CIDEC: variants seen among roughly 807,000 people sequenced by gnomAD.
CIDEC encodes cell death inducing DFFA like effector c.
In CIDEC, 11 loss-of-function variants were observed where a neutral mutation model predicts 21.9. The ratio of observed to expected loss-of-function variants is 0.50; its 90% CI spans 0.32 to 0.83. The LOEUF (loss-of-function observed/expected upper bound fraction) is 0.83. Ranked by LOEUF, CIDEC falls within the 40% of genes least tolerant of loss-of-function variation. The probability of loss-of-function intolerance (pLI) is 0.04; values close to 1 mark genes in which losing one functional copy is unlikely to be tolerated. For missense variants in CIDEC, 302 were observed against 302.3 expected, an observed-to-expected ratio of 1.00 and a Z score of 0.01; for synonymous variants, 127 against 124.9, an observed-to-expected ratio of 1.02 and a Z score of -0.11.
intron 4 of CIDEC, among the ~76,000 whole-genome samples, chr3:9,874,899 T>G (rs183366561): frequency 2.6e-5 from 4 of 151,916 alleles, no homozygotes; most frequent in Non-Finnish European, 4.4e-5. Context: ...TCCAGCTAAT[T>G]CCTGTATTAT....
intron 6 of CIDEC, among the ~76,000 whole-genome samples, chr3:9,868,227 A>T (rs180776438): frequency 5.8e-4 from 88 of 152,254 alleles, no homozygotes; most frequent in African/African-American, 2.0e-3. Context: ...TCATTTCATA[A>T]GGCTTTTATT....
intron 4 of CIDEC, among the ~76,000 whole-genome samples, chr3:9,872,388 T>C: frequency 6.6e-6 from 1 of 152,102 alleles, no homozygotes; most frequent in Non-Finnish European, 1.5e-5. Flanking sequence ...TTACCCAGGC[T>C]GGTCTTGAAC....
Position 9,866,716 on chromosome 3 carries a change from A to G in CIDEC, c.*418T>C, listed in dbSNP as rs2082273888. ...AGAACACAGGCAAAGAAGATACATC[A>G]GCCTCAATAATTTATTGCAAACTCC... On this transcript the variant is annotated 3_prime_UTR_variant, in exon 7 of 7. Coordinates refer to ENST00000336832, the MANE Select transcript of CIDEC (RefSeq NM_001321142.2). The G allele has an allele frequency of 5.3e-6, 2 of 375,844 alleles. No individual in the cohort carries two copies. Among genetic ancestry groups the G allele is most frequent in the Non-Finnish European group, 9.8e-6 (2 of 203,092 alleles). The allele number at this position is 375,844 out of a possible 1,614,324, so 23.3% of individuals were successfully genotyped here. A position where few individuals can be genotyped will look rare whatever the true frequency, so the allele number is the denominator to read the frequency against.
At chr3:9,868,548 T>G (rs1221894881) in intron 6 of CIDEC, among the ~76,000 whole-genome samples, 1 of 152,168 alleles carries the variant, frequency 6.6e-6, no homozygotes, top group African/African-American at 2.4e-5. Context: ...AAGGCTGAAA[T>G]AGCATAAAGC....
intron 4 of CIDEC, 65 bp from the exon 5 acceptor site, chr3:9,870,387 G>C: frequency 1.3e-6 from 2 of 1,599,060 alleles, no homozygotes; most frequent in Non-Finnish European, 1.7e-6. Context: ...CTATGAGGTG[G>C]AACTGGAGCC....
At chr3:9,878,364 A>G (rs1006072971) in intron 3 of CIDEC, 70 bp downstream of exon 3, 50 of 1,169,592 alleles carry the variant, frequency 4.3e-5, no homozygotes, top group Non-Finnish European at 6.3e-5. Context: ...TATACCCATT[A>G]AAGTTTGAGA....
intron 3 of CIDEC, 148 bp downstream of exon 3, chr3:9,878,286 A>C (rs1308694730): frequency 1.4e-6 from 1 of 714,896 alleles, no homozygotes; most frequent in African/African-American, 1.7e-5. Flanking sequence ...TGGCAGTGCA[A>C]AATCTCGGGT....
chr3:9,870,282 A>C lies in CIDEC; in HGVS notation c.248T>G (p.Leu83Arg). 2 of 1,614,060 alleles carry C rather than the reference A, an allele frequency of 1.2e-6. No individual in the cohort carries two copies. The highest frequency in any genetic ancestry group is 4.5e-5 in the East Asian group (2 of 44,874). Reference protein sequence around the residue: ...TLMLADKPFFLVLEEDGTTVE... With the variant: ...TLMLADKPFFRVLEEDGTTVE... ...AGTTGTGCCATCTTCCTCCAGCACCAGGAAGAAGGGCTTGTCTGCCAGCAT... is the reference window on the plus strand; with the variant it reads ...AGTTGTGCCATCTTCCTCCAGCACCCGGAAGAAGGGCTTGTCTGCCAGCAT... The change falls in exon 5 of 7, where the codon CTG becomes CGG. Residue 83 changes from leucine to arginine, a missense_variant. Physicochemically the swap from Leu to Arg is moderately radical, Grantham distance 102. Transcript: ENST00000336832.
intron 2 of CIDEC, 41 bp from the exon 3 acceptor site, chr3:9,878,552 A>AT: frequency 1.3e-6 from 2 of 1,551,830 alleles, no homozygotes; most frequent in Non-Finnish European, 1.8e-6. Flanking sequence ...GTGAGATGAG[A>AT]GGGTTCCCAT....
Position 9,867,239 on chromosome 3 carries a change from G to A in CIDEC, c.612C>T (p.Gly204=). ...GGAGCTGCTGCAGGTAACAGGAGGT[G>A]CCAAGCAGTACGTGGCCTGTGGCCT... ...SMQATGHVLL[G]TSCYLQQLLD... Residue 204 remains glycine, a synonymous_variant, in exon 7 of 7, where the codon GGC becomes GGT. Coordinates refer to ENST00000336832, the MANE Select transcript of CIDEC (RefSeq NM_001321142.2). 6.2e-7 allele frequency: 1 copy of A among 1,614,176 alleles called. No individual in the cohort carries two copies. Among genetic ancestry groups the A allele is most frequent in the Non-Finnish European group, 8.5e-7 (1 of 1,180,034 alleles).
At chr3:9,876,242 G>A (rs1429107778) in intron 4 of CIDEC, among the ~76,000 whole-genome samples, 1 of 152,230 alleles carries the variant, frequency 6.6e-6, no homozygotes, top group African/African-American at 2.4e-5. Flanking sequence ...GGGAGGCAGA[G>A]GTGGGTGGAT....
At chr3:9,878,532 A>T (rs756925680) in intron 2 of CIDEC, 21 bp from the exon 3 acceptor site, 2 of 1,603,722 alleles carry the variant, frequency 1.2e-6, no homozygotes, top group Admixed American at 3.3e-5. Flanking sequence ...GGCAGAAACA[A>T]TTCATCAGGG....
intron 6 of CIDEC, among the ~76,000 whole-genome samples, chr3:9,867,861 C>G (rs769536212): frequency 2.0e-4 from 30 of 151,884 alleles, no homozygotes; most frequent in Non-Finnish European, 1.9e-4. Flanking sequence ...ACCTGGGAGA[C>G]AGAGGTTGTA....
At chr3:9,877,969 T>A (rs1163841396) in intron 3 of CIDEC, 1 of 175,700 alleles carries the variant, frequency 5.7e-6, no homozygotes, top group African/African-American at 2.4e-5. Flanking sequence ...GAAGTCAATG[T>A]AAGGTATTTT....
At chr3:9,871,789 C>T (rs538353766) in intron 4 of CIDEC, among the ~76,000 whole-genome samples, 6 of 152,100 alleles carry the variant, frequency 3.9e-5, no homozygotes, top group Admixed American at 3.9e-4. Flanking sequence ...TGCCACCACA[C>T]CCAGCTAATT....
intron 4 of CIDEC, among the ~76,000 whole-genome samples, chr3:9,874,490 G>A (rs893443581): frequency 1.5e-4 from 22 of 150,836 alleles, no homozygotes; most frequent in East Asian, 9.8e-4. Flanking sequence ...CATTCTAGCC[G>A]GGGCAATGGA....
At position 9,869,874 on chromosome 3, in the gene CIDEC, T is replaced by G; in HGVS notation, c.554+8A>C. On this transcript the variant is annotated splice_region_variant and intron_variant, in intron 6 of 6. Coordinates refer to ENST00000336832, the MANE Select transcript of CIDEC (RefSeq NM_001321142.2). ...CACCCTGTCCCCAGGAAATCCCAAT[T>G]TGCTCACTTCATGATGCGCTTGGCC... 6.2e-7 allele frequency: 1 copy of G among 1,612,174 alleles called. No individual in the cohort carries two copies. Among genetic ancestry groups the G allele is most frequent in the Non-Finnish European group, 8.5e-7 (1 of 1,179,754 alleles).
In CIDEC at chr3:9,870,145, G is replaced by GCAA. The variant is rs1271917260; in HGVS notation, c.366+16_366+18dup. 3 of 1,613,908 alleles carry GCAA rather than the reference G, an allele frequency of 1.9e-6. No individual in the cohort carries two copies. In the African/African-American group the frequency reaches 4.0e-5, roughly 22 times the overall value. On this transcript the variant is annotated intron_variant, in intron 5 of 6. Transcript: ENST00000336832. ...GTCCCGATTTTCTCCCCCATCAGGT[G>GCAA]CAACAGGTGGGACCTCACCTGTTCT... is the stretch of plus-strand genomic sequence containing the variant.
chr3:9,878,671 C>T, intron 2 of CIDEC, 160 bp from the exon 3 acceptor site: 5 of 1,363,430 alleles, frequency 3.7e-6, no homozygotes, highest in Admixed American at 4.0e-5. Context: ...CCTGTCCGGC[C>T]CCATGCATGC....
Sources: allele counts gnomAD v4.1 joint callset (sites outside exome capture counted in the v4.1 genomes callset), GRCh38; gene constraint gnomAD v4.1.1; transcripts MANE v1.5; gene names NCBI Gene and HGNC (gene_info 2026-07-23, HGNC 2026-07-21).